ATRX: variants seen among roughly 807,000 people sequenced by gnomAD.
ATRX encodes ATRX chromatin remodeler.
Under a neutral mutation model 172.6 loss-of-function variants are expected in ATRX, and 12 were observed. That is an observed-to-expected ratio of 0.07 (90% CI 0.04 to 0.11). ATRX has a LOEUF of 0.11. ATRX is among the 10% of genes least tolerant of loss of function. ATRX has a pLI of 1.00. For synonymous variants in ATRX, 674 were observed against 594.7 expected (o/e 1.13, Z -1.94); for missense variants, 1,368 against 1,767.4 (o/e 0.77, Z 4.05).
At chrX:77,547,771 G>T (rs2064302089) in intron 30 of ATRX, among the ~76,000 whole-genome samples, 1 of 111,319 alleles carries the variant, frequency 9.0e-6, no homozygotes, top group South Asian at 3.8e-4. Flanking sequence ...GGGAATGCAA[G>T]CCTCAAATAC....
chrX:77,555,406 C>T (rs1282668752), intron 30 of ATRX, among the ~76,000 whole-genome samples: 5 of 111,588 alleles, frequency 4.5e-5, no homozygotes, highest in African/African-American at 1.3e-4. Context: ...CACATGCACA[C>T]GTATGTTTAT....
Position 77,528,533 on chromosome X carries a change from A to G in ATRX, c.6700-5132T>C, listed in dbSNP as rs1262730417. Among the ~76,000 whole-genome samples the G allele has an allele frequency of 7.2e-5, 8 of 110,354 alleles. No individual in the cohort carries two copies. In the Middle Eastern group the frequency reaches 0.014, roughly 190 times the overall value. On this transcript the variant is annotated intron_variant, in intron 30 of 34. Coordinates refer to ENST00000373344, the MANE Select transcript of ATRX (RefSeq NM_000489.6). ...AAACTAGGGTCTGGAGCAAACCCCC[A>G]GCTAACCACAGGAGCCCTACAGTAG...
rs782765957 is a variant in ATRX, at chrX:77,785,990, C to T, written c.12G>A (p.Glu4=). The change falls in exon 1 of 35, where the codon GAG becomes GAA. Residue 4 remains glutamate (E), a synonymous_variant. Transcript: ENST00000373344. MTA[E]PMSESKLNTL... ...ACGGGGTTGCGTTTTACCTCATGGG[C>T]TCAGCGGTCATGTTTTCGCTTGAAC... 64 of 1,191,279 alleles carry T rather than the reference C, an allele frequency of 5.4e-5. No homozygotes were observed. Among genetic ancestry groups the T allele is most frequent in the Admixed American group, 3.5e-4 (15 of 43,338 alleles).
At chrX:77,508,727 C>A in intron 34 of ATRX, 98 bp from the exon 35 acceptor site, 2 of 943,190 alleles carry the variant, frequency 2.1e-6, no homozygotes, top group African/African-American at 3.8e-5. Context: ...GGGTACCATA[C>A]CAAAAGGAAA....
intron 1 of ATRX, among the ~76,000 whole-genome samples, chrX:77,776,023 C>T (rs1336750151): frequency 8.9e-6 from 1 of 111,875 alleles, no homozygotes; most frequent in Non-Finnish European, 1.9e-5. Context: ...TGAGCCACTG[C>T]ACCCAGCCAA....
intron 1 of ATRX, among the ~76,000 whole-genome samples, chrX:77,746,692 T>C (rs2075090625): frequency 8.9e-6 from 1 of 112,649 alleles, no homozygotes; most frequent in African/African-American, 3.2e-5. Flanking sequence ...ATAGGTCTGT[T>C]TCTTTCAACA....
In ATRX at chrX:77,711,241, T is replaced by C. The variant is rs190108134; in HGVS notation, c.133+5890A>G. Among the ~76,000 whole-genome samples, 6 of 111,956 alleles carry C rather than the reference T, an allele frequency of 5.4e-5. No individual in the cohort carries two copies. The East Asian group carries it at 1.7e-3, about 31-fold the overall frequency. The stretch of plus-strand genomic sequence containing the variant: ...TTACAAGAAACCTATAAAGCAAACA[T>C]CCTTCACTGTGAAAGACTGAATGTT... On this transcript the variant is annotated intron_variant, in intron 2 of 34. Transcript: ENST00000373344.
At chrX:77,532,091 C>G (rs2063595277) in intron 30 of ATRX, among the ~76,000 whole-genome samples, 1 of 110,982 alleles carries the variant, frequency 9.0e-6, no homozygotes, top group Non-Finnish European at 1.9e-5. Flanking sequence ...AGTGAAGGAC[C>G]TCTTCAAGGA....
rs2148438914 is a variant in ATRX, at chrX:77,652,281, C to T, written c.4390G>A (p.Glu1464Lys). 1 of 1,209,152 alleles carries T rather than the reference C, an allele frequency of 8.3e-7. No homozygotes were observed. The highest frequency in any genetic ancestry group is 3.0e-5 in the East Asian group (1 of 33,818). The part of the protein sequence containing the change: ...EEEEEEEEEE[E>K]DENDDSKSPG... ...GACTTGGAATCATCATTTTCATCTT[C>T]CTCCTCCTCTTCCTCCTCCTCCTCC... Residue 1464 changes from glutamate (E) to lysine (K), a missense_variant, in exon 15 of 35, where the codon GAA (glutamate) becomes AAA (lysine). Physicochemically the swap from Glu to Lys is moderately conservative, Grantham distance 56. Coordinates refer to ENST00000373344, the MANE Select transcript of ATRX (RefSeq NM_000489.6).
chrX:77,676,333 A>T (rs1557133492), intron 9 of ATRX, 35 bp from the exon 10 acceptor site: 2 of 1,134,653 alleles, frequency 1.8e-6, no homozygotes, highest in Non-Finnish European at 2.4e-6. Flanking sequence ...AATTAGCTTT[A>T]AATAAGCTAT....
At chrX:77,595,214 G>C (rs1352482836) in intron 25 of ATRX, 1 of 111,073 alleles carries the variant, frequency 9.0e-6, no homozygotes, top group African/African-American at 3.3e-5. Flanking sequence ...ACTTTCCTCA[G>C]GTTGACTACT....
At chrX:77,542,100 T>A (rs1236750088) in intron 30 of ATRX, among the ~76,000 whole-genome samples, 3 of 112,191 alleles carry the variant, frequency 2.7e-5, no homozygotes, top group Non-Finnish European at 5.6e-5. Context: ...CTTAAGCTGA[T>A]AAGCAACTTC....
intron 1 of ATRX, 179 bp downstream of exon 1, chrX:77,785,803 C>T: frequency 1.6e-6 from 1 of 615,229 alleles, no homozygotes; most frequent in Non-Finnish European, 1.9e-6. Flanking sequence ...CCACCCCCAC[C>T]CCCGTCGGAG....
At chrX:77,537,410 C>T (rs1390534182) in intron 30 of ATRX, among the ~76,000 whole-genome samples, 1 of 111,957 alleles carries the variant, frequency 8.9e-6, no homozygotes, top group Non-Finnish European at 1.9e-5. Context: ...TAATCACTCT[C>T]TTCATCAAAA....
intron 19 of ATRX, among the ~76,000 whole-genome samples, chrX:77,632,653 G>A (rs182014548): frequency 8.9e-6 from 1 of 112,024 alleles, no homozygotes; most frequent in African/African-American, 3.2e-5. Context: ...ATTAATAATC[G>A]TAGATTAAAA....
intron 28 of ATRX, among the ~76,000 whole-genome samples, chrX:77,559,870 T>C (rs187024044): frequency 4.2e-4 from 47 of 111,521 alleles, no homozygotes; most frequent in African/African-American, 1.4e-3. Context: ...AATAAACAAG[T>C]ACACGAAAAA....
chrX:77,740,054 A>C (rs1235712086), intron 1 of ATRX, among the ~76,000 whole-genome samples: 8 of 48,776 alleles, frequency 1.6e-4, no homozygotes, highest in African/African-American at 7.1e-4. Context: ...ACTCCATCCC[A>C]AAAAAAAAAA....
rs1457254023 is a variant in ATRX, at chrX:77,558,862, T to A, written c.6327-16A>T. 2 of 1,135,515 alleles carry A rather than the reference T, an allele frequency of 1.8e-6. No homozygotes were observed. Among genetic ancestry groups the A allele is most frequent in the Non-Finnish European group, 2.4e-6 (2 of 827,270 alleles). The allele number at this position is 1,135,515 out of a possible 1,213,427, so 93.6% of individuals were successfully genotyped here. On this transcript the variant is annotated splice_polypyrimidine_tract_variant and intron_variant, in intron 28 of 34. Transcript: ENST00000373344. ...TAATCGTCCTCTGAAAATGAAAATA[T>A]AGAATAAATGCTTCAGTAATTAGTA...
chrX:77,520,774 G>T lies in ATRX; in HGVS notation c.7200+14C>A. 2 of 1,204,997 alleles carry T rather than the reference G, an allele frequency of 1.7e-6. No individual in the cohort carries two copies. The highest frequency in any genetic ancestry group is 2.2e-6 in the Non-Finnish European group (2 of 891,489). ...AAACATAACCTAGAAATAGTCAGACGTCAGAATTCTTACCATCTGTTGTTT... is the reference window on the plus strand; with the variant it reads ...AAACATAACCTAGAAATAGTCAGACTTCAGAATTCTTACCATCTGTTGTTT... On this transcript the variant is annotated intron_variant, in intron 34 of 34. Transcript: ENST00000373344.
Sources: gnomAD v4.1 joint callset for allele counts (sites outside exome capture counted in the v4.1 genomes callset) on GRCh38, gnomAD v4.1.1 for gene constraint, MANE v1.5 for transcripts, NCBI Gene and HGNC (gene_info 2026-07-23, HGNC 2026-07-21) for gene names.